Variants in ASAP1 observed in about 807,000 individuals in gnomAD.
ASAP1 encodes the protein ArfGAP with SH3 domain, ankyrin repeat and PH domain 1.
ASAP1 carries 43 observed loss-of-function variants against 145.2 expected under a neutral mutation model. That is an observed-to-expected ratio of 0.30 (90% CI 0.23 to 0.38). The LOEUF is 0.38. Ranked by LOEUF, ASAP1 falls within the 10% of genes least tolerant of loss-of-function variation. The pLI is 1.00. For synonymous variants in ASAP1, 546 were observed against 515.5 expected (o/e 1.06, Z -0.80); for missense variants, 1,018 against 1,355.3 (o/e 0.75, Z 3.91).
intron 1 of ASAP1, among the ~76,000 whole-genome samples, chr8:130,436,441 G>A (rs780356863): frequency 2.0e-4 from 31 of 152,140 alleles, no homozygotes; most frequent in Non-Finnish European, 4.0e-4. Flanking sequence ...GACTACAGGA[G>A]TGCACCACCA....
chr8:130,249,211 T>A (rs1225184331), intron 3 of ASAP1, among the ~76,000 whole-genome samples: 1 of 152,144 alleles, frequency 6.6e-6, no homozygotes, highest in African/African-American at 2.4e-5. Flanking sequence ...TCTAAATATG[T>A]CTAGTCATGC....
chr8:130,275,962 G>A (rs570050066), intron 3 of ASAP1, among the ~76,000 whole-genome samples: 6 of 152,228 alleles, frequency 3.9e-5, no homozygotes, highest in Admixed American at 1.3e-4. Context: ...GATAATGACC[G>A]GACTTCATCA....
At chr8:130,172,969 CA>C (rs1245763333) in intron 9 of ASAP1, among the ~76,000 whole-genome samples, 3 of 152,206 alleles carry the variant, frequency 2.0e-5, no homozygotes, top group African/African-American at 7.2e-5. Context: ...TTTTTGTAAA[CA>C]AAACAAACCA....
chr8:130,380,686 G>C (rs1310785264), intron 2 of ASAP1, among the ~76,000 whole-genome samples: 1 of 152,152 alleles, frequency 6.6e-6, no homozygotes, highest in African/African-American at 2.4e-5. Context: ...GTTTCAAATT[G>C]TCAGCAGCCA....
intron 3 of ASAP1, among the ~76,000 whole-genome samples, chr8:130,323,961 A>G (rs984211800): frequency 6.6e-6 from 1 of 152,220 alleles, no homozygotes; most frequent in African/African-American, 2.4e-5. Flanking sequence ...TGGCTCCCAG[A>G]GCTGCCAGGG....
At chr8:130,397,763 G>A (rs894520937) in intron 2 of ASAP1, among the ~76,000 whole-genome samples, 1 of 152,244 alleles carries the variant, frequency 6.6e-6, no homozygotes, top group African/African-American at 2.4e-5. Context: ...TATTTCAGCA[G>A]ATGAGCCTGT....
chr8:130,235,687 G>T (rs565779380), intron 4 of ASAP1, among the ~76,000 whole-genome samples: 10 of 152,264 alleles, frequency 6.6e-5, no homozygotes, highest in African/African-American at 1.9e-4. Context: ...CAAAATGAAG[G>T]CACCAGGGTG....
intron 3 of ASAP1, among the ~76,000 whole-genome samples, chr8:130,325,211 T>G (rs183150493): frequency 6.6e-6 from 1 of 152,172 alleles, no homozygotes; most frequent in Non-Finnish European, 1.5e-5. Flanking sequence ...TGGGGTCAAA[T>G]ATGGTAGTTT....
At chr8:130,197,046 C>T (rs1011136969) in intron 5 of ASAP1, among the ~76,000 whole-genome samples, 1 of 152,240 alleles carries the variant, frequency 6.6e-6, no homozygotes, top group Non-Finnish European at 1.5e-5. Flanking sequence ...CACTCCCGGC[C>T]TGCGTGAACT....
chr8:130,314,482 C>A (rs1448347383), intron 3 of ASAP1, among the ~76,000 whole-genome samples: 1 of 152,168 alleles, frequency 6.6e-6, no homozygotes, highest in Non-Finnish European at 1.5e-5. Context: ...CCAAAAACTA[C>A]CTGTTTCTAC....
intron 4 of ASAP1, among the ~76,000 whole-genome samples, chr8:130,215,119 C>T (rs186918950): frequency 4.1e-4 from 62 of 152,132 alleles, no homozygotes; most frequent in African/African-American, 1.5e-3. Context: ...TGAGGCTGGT[C>T]TCAAACTCCT....
chr8:130,236,610 C>T (rs1333830702), intron 4 of ASAP1, among the ~76,000 whole-genome samples: 1 of 152,108 alleles, frequency 6.6e-6, no homozygotes, highest in Non-Finnish European at 1.5e-5. Context: ...CACTGAGTTA[C>T]AGGTTGACCA....
intron 3 of ASAP1, among the ~76,000 whole-genome samples, chr8:130,347,650 ACC>A (rs368455671): frequency 6.6e-6 from 1 of 151,998 alleles, no homozygotes; most frequent in African/African-American, 2.4e-5. Flanking sequence ...CCATCACATA[ACC>A]CCCTCATCCT....
intron 13 of ASAP1, among the ~76,000 whole-genome samples, chr8:130,151,065 A>C (rs1308629587): frequency 2.0e-5 from 3 of 152,126 alleles, no homozygotes; most frequent in African/African-American, 7.2e-5. Flanking sequence ...GCAGAATGGA[A>C]GCTTAACAAA....
chr8:130,114,994 A>G (rs1462457815), intron 23 of ASAP1, among the ~76,000 whole-genome samples: 1 of 152,138 alleles, frequency 6.6e-6, no homozygotes, highest in Non-Finnish European at 1.5e-5. Flanking sequence ...TCCTGGTCTC[A>G]AGCGATAGTT....
chr8:130,081,209 T>C (rs2097479546), intron 25 of ASAP1, among the ~76,000 whole-genome samples: 1 of 152,142 alleles, frequency 6.6e-6, no homozygotes, highest in Non-Finnish European at 1.5e-5. Flanking sequence ...GGTGAAGAAC[T>C]TTCTAGCGGG....
At chr8:130,285,141 A>G (rs1008344113) in intron 3 of ASAP1, among the ~76,000 whole-genome samples, 3 of 152,212 alleles carry the variant, frequency 2.0e-5, no homozygotes, top group Non-Finnish European at 2.9e-5. Flanking sequence ...CTAAGAGAAA[A>G]GGAAGACTTG....
intron 11 of ASAP1, chr8:130,163,130 C>CAGGAAA (rs1352469496): frequency 6.2e-6 from 1 of 161,502 alleles, no homozygotes; most frequent in Admixed American, 6.1e-5. Flanking sequence ...CCACATGTGG[C>CAGGAAA]AGGAAAACAA....
intron 27 of ASAP1, among the ~76,000 whole-genome samples, chr8:130,071,964 A>G (rs937359744): frequency 2.0e-5 from 3 of 152,148 alleles, no homozygotes; most frequent in African/African-American, 7.2e-5. Flanking sequence ...GTCATCTGTT[A>G]TTATGTTAGG....
Sources: allele counts gnomAD v4.1 joint callset (sites outside exome capture counted in the v4.1 genomes callset), GRCh38; gene constraint gnomAD v4.1.1; transcripts MANE v1.5; gene names NCBI Gene and HGNC (gene_info 2026-07-23, HGNC 2026-07-21).